CAST: variants seen among roughly 807,000 people sequenced by gnomAD.
CAST encodes MIR583 host.
Under a neutral mutation model 119.6 loss-of-function variants are expected in CAST, and 76 were observed. That is an observed-to-expected ratio of 0.64 (90% CI 0.53 to 0.77). The LOEUF (loss-of-function observed/expected upper bound fraction) is 0.77, where lower values mean the gene tolerates loss of function less well. CAST is among the 30% of genes least tolerant of loss of function. The pLI, the probability that CAST is intolerant of heterozygous loss-of-function variation, is 0.00. For missense variants in CAST, 953 were observed against 946.5 expected (o/e 1.01, Z -0.09); for synonymous variants, 319 against 331.6 (o/e 0.96, Z 0.41).
upstream of CAST, among the ~76,000 whole-genome samples, chr5:96,658,517 A>T (rs1468741056): frequency 2.0e-5 from 3 of 152,136 alleles, no homozygotes; most frequent in Non-Finnish European, 4.4e-5. Context: ...ATGGAAACAG[A>T]TCTATAACAT....
the CAST span, among the ~76,000 whole-genome samples, chr5:96,032,955 A>G: frequency 6.6e-6 from 1 of 152,162 alleles, no homozygotes; most frequent in Non-Finnish European, 1.5e-5. Context: ...AACTGTTAGC[A>G]CTAATAAGCA....
the CAST span, among the ~76,000 whole-genome samples, chr5:96,390,018 C>T: frequency 2.0e-5 from 3 of 152,128 alleles, no homozygotes; most frequent in Non-Finnish European, 4.4e-5. Flanking sequence ...TTTACTCTAG[C>T]CTGTAAACTA....
intron 2 of CAST, among the ~76,000 whole-genome samples, chr5:96,690,083 G>A (rs1752551818): frequency 6.6e-6 from 1 of 152,152 alleles, no homozygotes; most frequent in Admixed American, 6.5e-5. Flanking sequence ...GGACTACCTT[G>A]AGGGGTTCCA....
At chr5:96,193,710 G>A in the CAST span, among the ~76,000 whole-genome samples, 80 of 152,294 alleles carry the variant, frequency 5.3e-4, 1 homozygote, top group African/African-American at 1.9e-3. Flanking sequence ...AGGAGATCTG[G>A]TTGTTGGAAT....
chr5:96,448,348 G>A, the CAST span, among the ~76,000 whole-genome samples: 1 of 152,200 alleles, frequency 6.6e-6, no homozygotes, highest in Admixed American at 6.5e-5. Flanking sequence ...GTGACCAAAT[G>A]TTTTGCTCTG....
the CAST span, among the ~76,000 whole-genome samples, chr5:96,377,243 T>C: frequency 6.6e-6 from 1 of 152,038 alleles, no homozygotes; most frequent in Non-Finnish European, 1.5e-5. Context: ...TAATTTATTA[T>C]AGAACAAATA....
intron 1 of CAST, among the ~76,000 whole-genome samples, chr5:96,605,837 G>A (rs900244814): frequency 3.3e-5 from 5 of 152,208 alleles, no homozygotes; most frequent in African/African-American, 1.2e-4. Context: ...ACTATAGAGA[G>A]AGAGTTTGGG....
the CAST span, among the ~76,000 whole-genome samples, chr5:96,245,778 T>C: frequency 7.9e-5 from 12 of 152,324 alleles, no homozygotes; most frequent in East Asian, 2.1e-3. Flanking sequence ...CTATGTGAGA[T>C]TGTATTTGGA....
At chr5:96,110,518 C>T in the CAST span, among the ~76,000 whole-genome samples, 1 of 152,122 alleles carries the variant, frequency 6.6e-6, no homozygotes, top group Non-Finnish European at 1.5e-5. Context: ...ATAGTTTTTA[C>T]TGCTTTGAAG....
At chr5:96,496,155 TAATA>T in the CAST span, among the ~76,000 whole-genome samples, 1 of 152,210 alleles carries the variant, frequency 6.6e-6, no homozygotes, top group Non-Finnish European at 1.5e-5. Flanking sequence ...ACAAAATCCA[TAATA>T]AATGTCATTT....
chr5:96,682,198 C>G (rs1407877550), intron 2 of CAST, among the ~76,000 whole-genome samples: 1 of 152,222 alleles, frequency 6.6e-6, no homozygotes, highest in Non-Finnish European at 1.5e-5. Context: ...AGAGAGACTA[C>G]TGTAATTCTG....
intron 1 of CAST, among the ~76,000 whole-genome samples, chr5:96,604,245 G>T (rs1026334103): frequency 6.6e-6 from 1 of 152,102 alleles, no homozygotes; most frequent in Non-Finnish European, 1.5e-5. Flanking sequence ...CCAAAACATT[G>T]TTATGTAACA....
chr5:96,442,944 T>G, the CAST span, among the ~76,000 whole-genome samples: 1 of 152,228 alleles, frequency 6.6e-6, no homozygotes, highest in African/African-American at 2.4e-5. Flanking sequence ...CCTCCATTTC[T>G]TCTCATTCTT....
At chr5:95,996,061 G>A in the CAST span, among the ~76,000 whole-genome samples, 5 of 152,132 alleles carry the variant, frequency 3.3e-5, no homozygotes, top group Non-Finnish European at 4.4e-5. Flanking sequence ...AGGCAGCATA[G>A]AAACTAAAAC....
chr5:96,099,434 C>CTA, the CAST span, among the ~76,000 whole-genome samples: 1 of 151,992 alleles, frequency 6.6e-6, no homozygotes, highest in African/African-American at 2.4e-5. Context: ...CAACTTTTGC[C>CTA]TATTCAGTAT....
At chr5:96,583,017 A>C (rs568627149) in intron 1 of CAST, among the ~76,000 whole-genome samples, 1 of 152,288 alleles carries the variant, frequency 6.6e-6, no homozygotes. Context: ...CAAGTTAGGG[A>C]AAGACAGAAA....
At chr5:96,689,964 G>C (rs1423654324) in intron 2 of CAST, among the ~76,000 whole-genome samples, 1 of 151,982 alleles carries the variant, frequency 6.6e-6, no homozygotes, top group Non-Finnish European at 1.5e-5. Context: ...TTTTCCCTTT[G>C]TAGGTAGGAG....
At chr5:96,617,790 TAAAAAAAAAAAAAAA>T (rs1162873931) in intron 1 of CAST, among the ~76,000 whole-genome samples, 457 of 21,982 alleles carry the variant, frequency 0.021, 5 homozygotes, top group African/African-American at 0.045. Flanking sequence ...AAATTCCATC[TAAAAAAAAAAAAAAA>T]AAAAAAAAAA....
the CAST span, among the ~76,000 whole-genome samples, chr5:96,317,476 C>CTA: frequency 2.0e-5 from 1 of 50,578 alleles, no homozygotes; most frequent in Non-Finnish European, 3.4e-5. Flanking sequence ...GACTCCATCT[C>CTA]AAAAAAAAAA....
Sources: allele counts gnomAD v4.1 joint callset (sites outside exome capture counted in the v4.1 genomes callset), GRCh38; gene constraint gnomAD v4.1.1; transcripts MANE v1.5; gene names NCBI Gene and HGNC (gene_info 2026-07-23, HGNC 2026-07-21).